Variants in EPB41 observed in about 807,000 individuals in gnomAD.
The protein encoded by EPB41 is erythrocyte membrane protein band 4.1.
In EPB41, 65 loss-of-function variants were observed where a neutral mutation model predicts 108.0. The observed-to-expected ratio is 0.60, with a 90% CI of 0.49 to 0.74. The LOEUF (loss-of-function observed/expected upper bound fraction) is 0.74, where lower values mean the gene tolerates loss of function less well. Ranked by LOEUF, EPB41 falls within the 30% of genes least tolerant of loss-of-function variation. EPB41 has a pLI of 0.00. For missense variants in EPB41, 875 were observed against 1,037.0 expected (o/e 0.84, Z 2.15); for synonymous variants, 336 against 358.9 (o/e 0.94, Z 0.72).
intron 7 of EPB41, among the ~76,000 whole-genome samples, chr1:29,019,310 T>C (rs919709432): frequency 6.6e-6 from 1 of 152,030 alleles, no homozygotes; most frequent in Non-Finnish European, 1.5e-5. Flanking sequence ...GTAGCTGAGG[T>C]AGAAGGATAG....
chr1:28,890,868 C>T (rs1050797721), intron 1 of EPB41: 15 of 955,392 alleles, frequency 1.6e-5, no homozygotes, highest in South Asian at 4.8e-5. Flanking sequence ...CTCCACCCCA[C>T]GGGTACTGAG....
At chr1:28,929,500 G>A (rs542760152) in intron 1 of EPB41, among the ~76,000 whole-genome samples, 1 of 151,890 alleles carries the variant, frequency 6.6e-6, no homozygotes, top group South Asian at 2.1e-4. Context: ...AAAGTGCTGG[G>A]ATTACAGGCG....
chr1:29,101,882 A>T (rs1665531677), intron 17 of EPB41, among the ~76,000 whole-genome samples: 1 of 152,196 alleles, frequency 6.6e-6, no homozygotes, highest in South Asian at 2.1e-4. Context: ...CCTGGGGAAC[A>T]GAGTGAGGAC....
At chr1:29,058,888 C>T in intron 14 of EPB41, 36 bp downstream of exon 14, 3 of 1,509,226 alleles carry the variant, frequency 2.0e-6, no homozygotes, top group Non-Finnish European at 2.7e-6. Context: ...ACTACATTGC[C>T]ATTTCACCCA....
chr1:28,984,189 A>C (rs1395421725), intron 1 of EPB41, among the ~76,000 whole-genome samples: 1 of 152,094 alleles, frequency 6.6e-6, no homozygotes, highest in Non-Finnish European at 1.5e-5. Context: ...TTTTATAGGC[A>C]CAGGATGGGG....
At chr1:29,055,392 C>G (rs1050025030) in intron 12 of EPB41, among the ~76,000 whole-genome samples, 4 of 152,082 alleles carry the variant, frequency 2.6e-5, no homozygotes, top group African/African-American at 9.7e-5. Flanking sequence ...TCCTTTTTGC[C>G]TATAACACAG....
At chr1:29,043,252 G>T (rs1358963935) in intron 11 of EPB41, among the ~76,000 whole-genome samples, 1 of 152,212 alleles carries the variant, frequency 6.6e-6, no homozygotes, top group African/African-American at 2.4e-5. Flanking sequence ...ATCTAATTTA[G>T]AAGGCTTCTT....
At chr1:29,107,107 C>A (rs1667470147) in intron 17 of EPB41, among the ~76,000 whole-genome samples, 1 of 151,590 alleles carries the variant, frequency 6.6e-6, no homozygotes, top group African/African-American at 2.4e-5. Context: ...CGCTTGAACC[C>A]AGGAGGTGGA....
chr1:28,905,254 T>G (rs547548940), intron 1 of EPB41, among the ~76,000 whole-genome samples: 1 of 151,450 alleles, frequency 6.6e-6, no homozygotes, highest in Middle Eastern at 3.4e-3. Flanking sequence ...CCCAGCACTT[T>G]GGGAGGTCCA....
chr1:29,087,814 T>C lies in EPB41; in HGVS notation c.2185-9993T>C, dbSNP rs564991070. Among the ~76,000 whole-genome samples, 300 of 152,270 alleles carry C rather than the reference T, an allele frequency of 2.0e-3. 1 individual carries two copies. Among genetic ancestry groups the C allele is most frequent in the Middle Eastern group, 0.017 (5 of 294 alleles). On this transcript the variant is annotated intron_variant, in intron 16 of 20. Transcript: ENST00000343067. ...GAGAGAAAGCCTTTAGGAAAAAAAA[T>C]CTTGTTTTCTTCCCCAAAACAAAGA...
intron 16 of EPB41, among the ~76,000 whole-genome samples, chr1:29,092,093 C>A: frequency 8.8e-6 from 1 of 113,156 alleles, no homozygotes; most frequent in Admixed American, 1.0e-4. Context: ...TTCTTACCTT[C>A]TTTTTTTTTT....
At chr1:28,931,517 T>A (rs367994930) in intron 1 of EPB41, among the ~76,000 whole-genome samples, 52 of 151,712 alleles carry the variant, frequency 3.4e-4, no homozygotes, top group African/African-American at 1.2e-3. Context: ...GAGTTTTATA[T>A]TATGACTTTG....
At chr1:28,902,271 C>CAGGG (rs2091390147) in intron 1 of EPB41, 1 of 985,302 alleles carries the variant, frequency 1.0e-6, no homozygotes, top group African/African-American at 1.7e-5. Flanking sequence ...TATTTTCTGC[C>CAGGG]AGGGCATCAG....
intron 11 of EPB41, among the ~76,000 whole-genome samples, chr1:29,047,811 G>A (rs1643755580): frequency 7.7e-6 from 1 of 129,256 alleles, no homozygotes; most frequent in African/African-American, 3.0e-5. Flanking sequence ...TTTTTGAGGT[G>A]GAGTTTCACT....
chr1:29,075,304 C>T (rs1402132978), intron 16 of EPB41, among the ~76,000 whole-genome samples: 1 of 151,608 alleles, frequency 6.6e-6, no homozygotes, highest in East Asian at 1.9e-4. Flanking sequence ...ATGGTGAAAC[C>T]CTATCTCTAC....
intron 6 of EPB41, among the ~76,000 whole-genome samples, chr1:29,016,320 T>C (rs921690038): frequency 1.3e-5 from 2 of 151,692 alleles, no homozygotes; most frequent in African/African-American, 4.8e-5. Context: ...GGATTACAGA[T>C]GTGCACCACC....
intron 10 of EPB41, among the ~76,000 whole-genome samples, chr1:29,036,476 G>GTC (rs1257602853): frequency 6.6e-6 from 1 of 151,974 alleles, no homozygotes; most frequent in African/African-American, 2.4e-5. Context: ...GGTCAGGGTG[G>GTC]TCTCAAACTC....
At chr1:28,891,282 CTG>C (rs1355581299) in intron 1 of EPB41, among the ~76,000 whole-genome samples, 1 of 152,202 alleles carries the variant, frequency 6.6e-6, no homozygotes, top group African/African-American at 2.4e-5. Context: ...GTGACAGTGA[CTG>C]AGTCTGTGAA....
intron 1 of EPB41, among the ~76,000 whole-genome samples, chr1:28,904,404 C>T (rs374148721): frequency 4.1e-4 from 62 of 152,200 alleles, no homozygotes; most frequent in African/African-American, 1.4e-3. Flanking sequence ...AAAAATCATA[C>T]TTAGTGTAGT....
Sources: gnomAD v4.1 joint callset for allele counts (sites outside exome capture counted in the v4.1 genomes callset) on GRCh38, gnomAD v4.1.1 for gene constraint, MANE v1.5 for transcripts, NCBI Gene and HGNC (gene_info 2026-07-23, HGNC 2026-07-21) for gene names.